The following PDE1A variants were observed in gnomAD, a reference collection of about 807,000 sequenced individuals.
PDE1A encodes the protein phosphodiesterase 1A, also known as dual specificity calcium/calmodulin-dependent 3',5'-cyclic nucleotide phosphodiesterase 1A.
Under a neutral mutation model 61.7 loss-of-function variants are expected in PDE1A, and 35 were observed. That is an observed-to-expected ratio of 0.57 (90% CI 0.43 to 0.75). The LOEUF (loss-of-function observed/expected upper bound fraction) is 0.75. Among genes scored for constraint, PDE1A ranks in the 30% least tolerant of loss-of-function variants. PDE1A has a pLI of 0.00. For synonymous variants in PDE1A, 232 were observed against 213.2 expected, an observed-to-expected ratio of 1.09 and a Z score of -0.77; for missense variants, 597 against 630.6, an observed-to-expected ratio of 0.95 and a Z score of 0.57.
chr2:182,221,989 A>G (rs1401217185), intron 7 of PDE1A, among the ~76,000 whole-genome samples: 3 of 151,972 alleles, frequency 2.0e-5, no homozygotes, highest in Non-Finnish European at 4.4e-5. Context: ...AACTGTTTCT[A>G]TATTCCCCAC....
rs934418232 is a variant in PDE1A, at chr2:182,458,167, T to C, written c.101+64109A>G. Among the ~76,000 whole-genome samples, 7 of 152,096 alleles carry C rather than the reference T, an allele frequency of 4.6e-5. No homozygotes were observed. In the East Asian group the frequency reaches 1.2e-3, roughly 25 times the overall value. ...TTGAGATAATGTGTAATAACCATGGTACAATGGGAAACAAACAAACTAAGA... is the reference window on the plus strand; with the variant it reads ...TTGAGATAATGTGTAATAACCATGGCACAATGGGAAACAAACAAACTAAGA... On this transcript the variant is annotated intron_variant, in intron 2 of 14. Coordinates refer to the PDE1A transcript ENST00000410103.
chr2:182,713,658 G>A, the PDE1A span, among the ~76,000 whole-genome samples: 1 of 151,992 alleles, frequency 6.6e-6, no homozygotes, highest in Non-Finnish European at 1.5e-5. Context: ...ATAAATAAAT[G>A]AACTGTGTAA....
chr2:182,523,781 T>C (rs1690698194), upstream of PDE1A, among the ~76,000 whole-genome samples: 1 of 152,192 alleles, frequency 6.6e-6, no homozygotes, highest in Admixed American at 6.6e-5. Flanking sequence ...AACAGAGACA[T>C]TCTCCAGATT....
chr2:182,348,401 A>G (rs776401393), intron 1 of PDE1A, among the ~76,000 whole-genome samples: 1 of 152,068 alleles, frequency 6.6e-6, no homozygotes, highest in Non-Finnish European at 1.5e-5. Flanking sequence ...ACAATTCAGG[A>G]TTCTGTGACC....
intron 1 of PDE1A, among the ~76,000 whole-genome samples, chr2:182,309,257 G>C (rs1340383188): frequency 6.6e-6 from 1 of 150,890 alleles, no homozygotes; most frequent in Non-Finnish European, 1.5e-5. Context: ...GTAAACTTAA[G>C]TAAAGAAAAA....
At chr2:182,704,484 G>A in the PDE1A span, among the ~76,000 whole-genome samples, 2 of 152,118 alleles carry the variant, frequency 1.3e-5, no homozygotes, top group Admixed American at 6.5e-5. Flanking sequence ...CTAAATATAC[G>A]ATTCTTGGGA....
At chr2:182,188,202 C>T (rs1286718393) in intron 11 of PDE1A, among the ~76,000 whole-genome samples, 1 of 152,106 alleles carries the variant, frequency 6.6e-6, no homozygotes, top group Non-Finnish European at 1.5e-5. Flanking sequence ...ACTTACTAAG[C>T]AAGGATAGGC....
intron 2 of PDE1A, among the ~76,000 whole-genome samples, chr2:182,470,549 A>G (rs750463385): frequency 2.2e-4 from 33 of 151,884 alleles, no homozygotes; most frequent in Middle Eastern, 3.2e-3. Context: ...ATTTCAATAA[A>G]GATATGATAA....
At chr2:182,564,263 C>A in the PDE1A span, among the ~76,000 whole-genome samples, 1 of 152,176 alleles carries the variant, frequency 6.6e-6, no homozygotes, top group Non-Finnish European at 1.5e-5. Context: ...GTGACAAAAT[C>A]TCTCAGCATT....
the PDE1A span, among the ~76,000 whole-genome samples, chr2:182,685,771 G>A: frequency 6.6e-6 from 1 of 152,154 alleles, no homozygotes; most frequent in Non-Finnish European, 1.5e-5. Context: ...ACTGATCAAA[G>A]TGCTTTTGCT....
At chr2:182,159,177 T>C (rs1245293889) in intron 13 of PDE1A, among the ~76,000 whole-genome samples, 1 of 152,220 alleles carries the variant, frequency 6.6e-6, no homozygotes, top group Non-Finnish European at 1.5e-5. Context: ...AGTGTCCTCT[T>C]TTTGAGAAAA....
the PDE1A span, among the ~76,000 whole-genome samples, chr2:182,593,046 C>T: frequency 6.6e-6 from 1 of 151,868 alleles, no homozygotes; most frequent in South Asian, 2.1e-4. Context: ...AATAATTAAA[C>T]GTATCTACAC....
intron 2 of PDE1A, among the ~76,000 whole-genome samples, chr2:182,460,439 A>G (rs1404427430): frequency 6.6e-6 from 1 of 152,126 alleles, no homozygotes; most frequent in East Asian, 1.9e-4. Context: ...GGGTGTCACT[A>G]TGTTTCCCAG....
At chr2:182,509,403 C>A (rs1413849875) in intron 2 of PDE1A, among the ~76,000 whole-genome samples, 1 of 152,134 alleles carries the variant, frequency 6.6e-6, no homozygotes, top group South Asian at 2.1e-4. Flanking sequence ...CAAAACTAGA[C>A]AAACAGATGG....
chr2:182,229,579 A>G (rs1406763799), intron 6 of PDE1A, among the ~76,000 whole-genome samples: 3 of 152,172 alleles, frequency 2.0e-5, no homozygotes, highest in Non-Finnish European at 2.9e-5. Flanking sequence ...CCAAATCCCT[A>G]TTAGAATTTG....
chr2:182,431,116 AAC>A (rs1220177937), upstream of PDE1A, among the ~76,000 whole-genome samples: 5 of 109,804 alleles, frequency 4.6e-5, no homozygotes, highest in East Asian at 2.1e-3. Flanking sequence ...TAAAAAAAAA[AAC>A]ATTAAAAAAA....
chr2:182,256,343 T>A (rs1223268008), intron 2 of PDE1A, among the ~76,000 whole-genome samples: 1 of 150,232 alleles, frequency 6.7e-6, no homozygotes, highest in Non-Finnish European at 1.5e-5. Flanking sequence ...GTGTTTGGTT[T>A]TTTGTTCTTG....
At chr2:182,454,944 G>T (rs540409197) in intron 2 of PDE1A, among the ~76,000 whole-genome samples, 2 of 150,866 alleles carry the variant, frequency 1.3e-5, no homozygotes, top group East Asian at 2.0e-4. Context: ...CACAAAAAAA[G>T]AAACTACCAT....
At chr2:182,453,735 T>C (rs1446801845) in intron 2 of PDE1A, among the ~76,000 whole-genome samples, 3 of 152,082 alleles carry the variant, frequency 2.0e-5, no homozygotes, top group Non-Finnish European at 4.4e-5. Context: ...TGCTAAAAAC[T>C]CTCCATAAAT....
Sources: gnomAD v4.1 joint callset for allele counts (sites outside exome capture counted in the v4.1 genomes callset) on GRCh38, gnomAD v4.1.1 for gene constraint, MANE v1.5 for transcripts, NCBI Gene and HGNC (gene_info 2026-07-23, HGNC 2026-07-21) for gene names.